Variants in IKBKE observed in about 807,000 individuals in gnomAD.
IKBKE encodes the protein inhibitor of nuclear factor kappa-B kinase subunit epsilon.
IKBKE carries 45 observed loss-of-function variants against 92.1 expected under a neutral mutation model. The observed-to-expected ratio is 0.49, with a 90% CI of 0.38 to 0.63. IKBKE has a LOEUF of 0.63. Among genes scored for constraint, IKBKE ranks in the 20% least tolerant of loss-of-function variants. IKBKE has a pLI of 0.00. For synonymous variants in IKBKE, 374 were observed against 380.3 expected (o/e 0.98, Z 0.19); for missense variants, 700 against 932.8 (o/e 0.75, Z 3.25).
Position 206,487,960 on chromosome 1 carries a change from A to G in IKBKE, c.1663A>G (p.Lys555Glu), listed in dbSNP as rs1553389219. Reference protein sequence around the residue: ...CCLDKMNFIYKQFKKSRMRPG... With the variant: ...CCLDKMNFIYEQFKKSRMRPG... ...TTTGGACAAGATGAACTTCATCTAC[A>G]AACAGTTCAAGAAGTCTAGGATGAG... is the stretch of plus-strand genomic sequence containing the variant. The change falls in exon 16 of 22, where the codon AAA becomes GAA. Residue 555 changes from lysine to glutamate, a missense_variant. Coordinates refer to ENST00000581977, the MANE Select transcript of IKBKE (RefSeq NM_014002.4). This position sits in a 1 kb window ranked among gnomAD's most constrained non-coding sequence, Gnocchi z 5.3. The G allele has an allele frequency of 6.2e-7, 1 of 1,613,812 alleles. No individual in the cohort carries two copies. The highest frequency in any genetic ancestry group is 2.2e-5 in the East Asian group (1 of 44,890).
rs151103081 is a variant in IKBKE, at chr1:206,485,018, G to A, written c.1449G>A (p.Thr483=). ...CAAGGTTCAGCAGCGTGGCTGGAAC[G>A]CCTGAGATCCAGGAACTGAAGGCGG... ...GTERFSSVAG[T]PEIQELKAAA... is the part of the protein sequence containing the mutation. The change falls in exon 14 of 22, where the codon ACG becomes ACA. Residue 483 remains threonine, a synonymous_variant. Coordinates refer to ENST00000581977, the MANE Select transcript of IKBKE (RefSeq NM_014002.4). The surrounding 1 kb of genome is among the most constrained non-coding windows in gnomAD (Gnocchi z 5.0). 2.1e-5 allele frequency: 34 copies of A among 1,614,112 alleles called. No individual in the cohort carries two copies. Among genetic ancestry groups the A allele is most frequent in the Non-Finnish European group, 2.5e-5 (29 of 1,179,994 alleles).
intron 10 of IKBKE, 49 bp from the exon 11 acceptor site, chr1:206,479,821 G>C (rs782485269): frequency 6.3e-7 from 1 of 1,589,568 alleles, no homozygotes; most frequent in South Asian, 1.1e-5. Flanking sequence ...AAGATAAGCC[G>C]ACCCAGCACC....
chr1:206,479,493 C>G (rs1196333022), intron 10 of IKBKE, among the ~76,000 whole-genome samples: 1 of 152,148 alleles, frequency 6.6e-6, no homozygotes, highest in African/African-American at 2.4e-5. Flanking sequence ...GGAAGGGGGT[C>G]GGGGTCCAGA....
At position 206,485,669 on chromosome 1, in the gene IKBKE, A is replaced by G. The variant is rs904575874; in HGVS notation, c.1616+363A>G. Among the ~76,000 whole-genome samples, 2 of 152,204 alleles carry G rather than the reference A, an allele frequency of 1.3e-5. No individual in the cohort carries two copies. Among genetic ancestry groups the G allele is most frequent in the African/African-American group, 4.8e-5 (2 of 41,450 alleles). Reference sequence around the variant, plus strand: ...CATCTCGTTGAATCCTGAAAACAATAATGATGCTATGATAATGCCCTTTTT... The same window carrying G: ...CATCTCGTTGAATCCTGAAAACAATGATGATGCTATGATAATGCCCTTTTT... On this transcript the variant is annotated intron_variant, in intron 15 of 21. Coordinates refer to ENST00000581977, the MANE Select transcript of IKBKE (RefSeq NM_014002.4). This position sits in a 1 kb window ranked among gnomAD's most constrained non-coding sequence, Gnocchi z 5.0.
chr1:206,471,492 G>A (rs1553383845), intron 2 of IKBKE, among the ~76,000 whole-genome samples: 2 of 152,146 alleles, frequency 1.3e-5, no homozygotes, highest in African/African-American at 4.8e-5. Flanking sequence ...CGCTTGTCTG[G>A]GGGTCTGCGC....
rs1016666841 is a variant in IKBKE, at chr1:206,485,510, T to A, written c.1616+204T>A. ...GACACCAGCCAGGAGGAGAAAAGGATCTGGGGTCCTGCACCCATCTTGGAG... is the reference window on the plus strand; with the variant it reads ...GACACCAGCCAGGAGGAGAAAAGGAACTGGGGTCCTGCACCCATCTTGGAG... On this transcript the variant is annotated intron_variant, in intron 15 of 21. Transcript: ENST00000581977. The surrounding 1 kb of genome is among the most constrained non-coding windows in gnomAD (Gnocchi z 5.0). Among the ~76,000 whole-genome samples the A allele has an allele frequency of 6.6e-6, 1 of 152,182 alleles. No individual in the cohort carries two copies. The highest frequency in any genetic ancestry group is 1.5e-5 in the Non-Finnish European group (1 of 68,032).
In IKBKE at chr1:206,476,527, G is replaced by A. The variant is rs1665070943; in HGVS notation, c.541-151G>A. ...AGAATGCATTCTGTTCTCTAAGATG[G>A]AAAAGGTGAGGCTGACACCCATTTT... is the stretch of plus-strand genomic sequence containing the variant. On this transcript the variant is annotated intron_variant, in intron 6 of 21. Coordinates refer to ENST00000581977, the MANE Select transcript of IKBKE (RefSeq NM_014002.4). The surrounding 1 kb of genome is among the most constrained non-coding windows in gnomAD (Gnocchi z 5.1). 1 of 1,120,070 alleles carries A rather than the reference G, an allele frequency of 8.9e-7. No individual in the cohort carries two copies. The highest frequency in any genetic ancestry group is 1.6e-5 in the African/African-American group (1 of 64,140). The allele number at this position is 1,120,070 out of a possible 1,614,324, so 69.4% of individuals were successfully genotyped here.
intron 21 of IKBKE, among the ~76,000 whole-genome samples, chr1:206,495,614 G>A (rs1483416923): frequency 1.3e-5 from 2 of 152,204 alleles, no homozygotes; most frequent in Non-Finnish European, 2.9e-5. Context: ...ACATTTGACA[G>A]CTTCTTGGAA....
chr1:206,490,442 C>G lies in IKBKE; in HGVS notation c.1694-377C>G, dbSNP rs1553390007. Among the ~76,000 whole-genome samples, 1 of 152,206 alleles carries G rather than the reference C, an allele frequency of 6.6e-6. No homozygotes were observed. Among genetic ancestry groups the G allele is most frequent in the Non-Finnish European group, 1.5e-5 (1 of 68,042 alleles). ...AACATTCAGGGATGGGACCACCCAG[C>G]TGCAGGCATCAGTCACTCTGGGAGG... On this transcript the variant is annotated intron_variant, in intron 16 of 21. Transcript: ENST00000581977. This position sits in a 1 kb window ranked among gnomAD's most constrained non-coding sequence, Gnocchi z 5.2.
chr1:206,492,168 G>A (rs1665979345), intron 18 of IKBKE: 1 of 321,728 alleles, frequency 3.1e-6, no homozygotes, highest in South Asian at 2.6e-5. Flanking sequence ...TGGTTATATT[G>A]AGAAGTCTCC....
At chr1:206,477,587 G>A (rs1406051626) in intron 7 of IKBKE, among the ~76,000 whole-genome samples, 162 bp from the exon 8 acceptor site, 2 of 152,174 alleles carry the variant, frequency 1.3e-5, no homozygotes, top group Admixed American at 6.5e-5. Flanking sequence ...GAGGCAAGGC[G>A]CTCTCACAGC....
At chr1:206,492,019 TCTC>T in intron 18 of IKBKE, 1 of 372,936 alleles carries the variant, frequency 2.7e-6, no homozygotes, top group Non-Finnish European at 5.1e-6. Context: ...TGAGAACAGG[TCTC>T]CTCTGCACAT....
chr1:206,491,085 A>G (rs768853217), intron 17 of IKBKE: 157 of 601,524 alleles, frequency 2.6e-4, no homozygotes, highest in Non-Finnish European at 4.3e-4. Flanking sequence ...TACTTCTGGT[A>G]TGGACAAGAC....
chr1:206,479,898 CA>C lies in IKBKE; in HGVS notation c.1215del (p.Val406TrpfsTer33). 1 of 1,613,882 alleles carries C rather than the reference CA, an allele frequency of 6.2e-7. No individual in the cohort carries two copies. Among genetic ancestry groups the C allele is most frequent in the African/African-American group, 1.3e-5 (1 of 74,960 alleles). ...CTCTGGACGTCCCCAAGTTCGTCCCCAAAGTGGACCTGCAGGCGGATTACAA... is the reference window on the plus strand; with the variant it reads ...CTCTGGACGTCCCCAAGTTCGTCCCCAAGTGGACCTGCAGGCGGATTACAA... ...PALDVPKFVP[K>X]VDLQADYNTA... On this transcript the variant is annotated frameshift_variant, in exon 11 of 22. Coordinates refer to ENST00000581977, the MANE Select transcript of IKBKE (RefSeq NM_014002.4). LOFTEE classifies it high-confidence loss of function.
rs140041163 is a variant in IKBKE at position 206,480,499 on chromosome 1, C to T, written c.1393C>T (p.Leu465Phe). The change falls in exon 13 of 22, where the codon CTC becomes TTC. Residue 465 changes from leucine to phenylalanine, a missense_variant. Coordinates refer to ENST00000581977, the MANE Select transcript of IKBKE (RefSeq NM_014002.4). ...RRTLEVARTSLLYLSSSLGTE... is the reference protein window; with the variant it reads ...RRTLEVARTSFLYLSSSLGTE... ...GACTCTGGAAGTGGCAAGGACATCC[C>T]TCCTCTACCTCAGCAGCAGCCTGGG... The T allele has an allele frequency of 5.4e-4, 872 of 1,613,772 alleles. No homozygotes were observed. Among genetic ancestry groups the T allele is most frequent in the Admixed American group, 1.0e-3 (60 of 59,978 alleles).
intron 16 of IKBKE, among the ~76,000 whole-genome samples, chr1:206,489,488 G>A (rs1320351775): frequency 6.7e-6 from 1 of 150,162 alleles, no homozygotes; most frequent in Non-Finnish European, 1.5e-5. Context: ...GGATCACTTG[G>A]GCCCAGGAGT....
At chr1:206,473,919 A>G (rs1553384475) in intron 3 of IKBKE, among the ~76,000 whole-genome samples, 2 of 142,228 alleles carry the variant, frequency 1.4e-5, no homozygotes, top group Non-Finnish European at 3.0e-5. Context: ...TGAGATCTTG[A>G]CACTGCACTC....
At chr1:206,495,720 T>G (rs1291886447) in intron 21 of IKBKE, among the ~76,000 whole-genome samples, 1 of 152,210 alleles carries the variant, frequency 6.6e-6, no homozygotes, top group African/African-American at 2.4e-5. Context: ...TGCAGATAGC[T>G]CAAAACTTTA....
chr1:206,493,772 G>A lies in IKBKE; in HGVS notation c.2046-148G>A, dbSNP rs530727991. Reference sequence around the variant, plus strand: ...CCACTGCACTCCAGCCTGGGCAAAGGAGCAAGACTCCGTCTCAAATAAGCA... The same window carrying A: ...CCACTGCACTCCAGCCTGGGCAAAGAAGCAAGACTCCGTCTCAAATAAGCA... On this transcript the variant is annotated intron_variant, in intron 20 of 21. Coordinates refer to ENST00000581977, the MANE Select transcript of IKBKE (RefSeq NM_014002.4). 8 of 622,184 alleles carry A rather than the reference G, an allele frequency of 1.3e-5. No homozygotes were observed. The South Asian group carries it at 1.6e-4, about 12-fold the overall frequency. The allele number at this position is 622,184 out of a possible 1,614,324, so 38.5% of individuals were successfully genotyped here. A position where few individuals can be genotyped will look rare whatever the true frequency, so the allele number is the denominator to read the frequency against.
Sources: allele counts gnomAD v4.1 joint callset (sites outside exome capture counted in the v4.1 genomes callset), GRCh38; gene constraint gnomAD v4.1.1; non-coding constraint Gnocchi (gnomAD v3.1); transcripts MANE v1.5; gene names NCBI Gene and HGNC (gene_info 2026-07-23, HGNC 2026-07-21).